Variants in TRMT9B observed in about 807,000 individuals in gnomAD.
TRMT9B encodes the protein probable tRNA methyltransferase 9B.
TRMT9B carries 16 observed loss-of-function variants against 11.5 expected under a neutral mutation model. The observed-to-expected ratio is 1.39, with a 90% CI of 0.94 to 2.11. The LOEUF is 2.11. TRMT9B is among the 30% of genes most tolerant of loss of function. The probability of loss-of-function intolerance (pLI) is 0.00; values close to 1 mark genes in which losing one functional copy is unlikely to be tolerated. For missense variants in TRMT9B, 941 were observed against 553.8 expected (o/e 1.70, Z -7.02); for synonymous variants, 274 against 192.4 (o/e 1.42, Z -3.51).
In TRMT9B at chr8:13,028,948, G is replaced by C. The variant is rs1460197336; in HGVS notation, c.*6904G>C. The C allele has an allele frequency of 6.0e-6, 1 of 166,928 alleles. No homozygotes were observed. Among genetic ancestry groups the C allele is most frequent in the Non-Finnish European group, 1.5e-5 (1 of 68,112 alleles). The allele number at this position is 166,928 out of a possible 1,614,324, so 10.3% of individuals were successfully genotyped here. A position where few individuals can be genotyped will look rare whatever the true frequency, so the allele number is the denominator to read the frequency against. Reference sequence around the variant, plus strand: ...CAATACATTAAGGCTCACTAATGTGGACCTAAGTGAGTATCTGAGAGGCTT... The same window carrying C: ...CAATACATTAAGGCTCACTAATGTGCACCTAAGTGAGTATCTGAGAGGCTT... On this transcript the variant is annotated 3_prime_UTR_variant, in exon 5 of 5. Transcript: ENST00000524591.
rs755465214 is a variant in TRMT9B at position 13,027,064 on chromosome 8, A to G, written c.*5020A>G. 6.0e-6 allele frequency: 1 copy of G among 167,178 alleles called. No homozygotes were observed. 10.4% of individuals were successfully genotyped at this position (167,178 alleles called of 1,614,324 possible). On this transcript the variant is annotated 3_prime_UTR_variant, in exon 5 of 5. Coordinates refer to ENST00000524591, the MANE Select transcript of TRMT9B (RefSeq NM_020844.3). ...CCAACTCTTCAACCTTTCAACAATT[A>G]TATTATTGTTTTCCCATTTTATAAG...
At chr8:12,997,345 C>A (rs142619301) in intron 2 of TRMT9B, among the ~76,000 whole-genome samples, 2 of 152,138 alleles carry the variant, frequency 1.3e-5, no homozygotes, top group Non-Finnish European at 2.9e-5. Flanking sequence ...TGCTCCCTCT[C>A]TGACCTTGTG....
At chr8:13,005,813 G>T (rs1183720000) in intron 2 of TRMT9B, among the ~76,000 whole-genome samples, 1 of 152,198 alleles carries the variant, frequency 6.6e-6, no homozygotes, top group Admixed American at 6.5e-5. Context: ...CTATTGGGTT[G>T]AAATGGTGAG....
At chr8:13,011,539 A>C (rs1306434939) in intron 3 of TRMT9B, 30 of 951,324 alleles carry the variant, frequency 3.2e-5, no homozygotes, top group Non-Finnish European at 3.8e-5. Flanking sequence ...ATTTCTGGAA[A>C]GTAATTAGAT....
chr8:13,027,404 C>T lies in TRMT9B; in HGVS notation c.*5360C>T, dbSNP rs1382108286. The T allele has an allele frequency of 1.8e-5, 3 of 167,080 alleles. No homozygotes were observed. Among genetic ancestry groups the T allele is most frequent in the Non-Finnish European group, 4.4e-5 (3 of 68,122 alleles). 10.3% of individuals were successfully genotyped at this position (167,080 alleles called of 1,614,324 possible). On this transcript the variant is annotated 3_prime_UTR_variant, in exon 5 of 5. Coordinates refer to ENST00000524591, the MANE Select transcript of TRMT9B (RefSeq NM_020844.3). ...GAGTACCCTAAAGCTTGGACTTAAT[C>T]TAGCTTACCCTAGACGTATTAACAT... is the stretch of plus-strand genomic sequence containing the variant.
At chr8:13,004,962 C>T (rs530720287) in intron 2 of TRMT9B, among the ~76,000 whole-genome samples, 15 of 151,998 alleles carry the variant, frequency 9.9e-5, no homozygotes, top group Middle Eastern at 3.4e-3. Context: ...TGACTGCAGT[C>T]CCTGGCTCCC....
intron 1 of TRMT9B, among the ~76,000 whole-genome samples, chr8:12,978,653 T>C (rs1804850700): frequency 6.6e-6 from 1 of 152,166 alleles, no homozygotes; most frequent in African/African-American, 2.4e-5. Flanking sequence ...GCCAATATAG[T>C]AGCCACTGCA....
At chr8:12,991,694 A>G (rs2128879198) in intron 2 of TRMT9B, among the ~76,000 whole-genome samples, 1 of 152,252 alleles carries the variant, frequency 6.6e-6, no homozygotes, top group East Asian at 1.9e-4. Context: ...GCACTTTGGG[A>G]GGCCGAGGCA....
intron 4 of TRMT9B, among the ~76,000 whole-genome samples, chr8:13,015,792 T>G (rs112156096): frequency 3.9e-5 from 6 of 152,112 alleles, no homozygotes; most frequent in Non-Finnish European, 2.9e-5. Flanking sequence ...TATTTTCAGT[T>G]TACATCTCAT....
intron 1 of TRMT9B, among the ~76,000 whole-genome samples, chr8:12,978,159 G>C (rs1329958962): frequency 6.6e-6 from 1 of 152,134 alleles, no homozygotes; most frequent in African/African-American, 2.4e-5. Context: ...AGGAATATAG[G>C]CCTCCTGAGC....
At chr8:13,004,860 G>C (rs1262819088) in intron 2 of TRMT9B, among the ~76,000 whole-genome samples, 2 of 152,042 alleles carry the variant, frequency 1.3e-5, no homozygotes, top group Non-Finnish European at 2.9e-5. Flanking sequence ...TCTTTGGAAA[G>C]GGGAGGGAAG....
intron 3 of TRMT9B, chr8:13,012,286 A>C: frequency 5.1e-6 from 5 of 988,248 alleles, no homozygotes; most frequent in Non-Finnish European, 6.0e-6. Context: ...TAAAAAAAAA[A>C]AAAAAGTTGG....
intron 1 of TRMT9B, among the ~76,000 whole-genome samples, chr8:12,959,478 TC>T (rs1801759861): frequency 1.9e-5 from 1 of 53,246 alleles, no homozygotes; most frequent in South Asian, 7.6e-4. Flanking sequence ...ATTTGTATTT[TC>T]CTCTCCTCTC....
chr8:12,972,234 C>T (rs945065961), intron 1 of TRMT9B, among the ~76,000 whole-genome samples: 2 of 152,172 alleles, frequency 1.3e-5, no homozygotes, highest in African/African-American at 2.4e-5. Flanking sequence ...AGAAAATGAG[C>T]TTCTCAGAAC....
chr8:13,027,974 G>C lies in TRMT9B; in HGVS notation c.*5930G>C, dbSNP rs1185319466. 4 of 166,850 alleles carry C rather than the reference G, an allele frequency of 2.4e-5. No homozygotes were observed. Among genetic ancestry groups the C allele is most frequent in the Non-Finnish European group, 5.9e-5 (4 of 68,092 alleles). The allele number at this position is 166,850 out of a possible 1,614,324, so 10.3% of individuals were successfully genotyped here. A position where few individuals can be genotyped will look rare whatever the true frequency, so the allele number is the denominator to read the frequency against. ...ACACTGAGGTGCAAACATTTAAAAA[G>C]ATCTCTCACCAAACAAGGATTGAAA... On this transcript the variant is annotated 3_prime_UTR_variant, in exon 5 of 5. Coordinates refer to ENST00000524591, the MANE Select transcript of TRMT9B (RefSeq NM_020844.3).
intron 1 of TRMT9B, among the ~76,000 whole-genome samples, chr8:12,960,782 T>C (rs1235345515): frequency 6.6e-6 from 1 of 152,104 alleles, no homozygotes; most frequent in Non-Finnish European, 1.5e-5. Flanking sequence ...TGTAAAAAGA[T>C]CAGTGGTTGC....
intron 1 of TRMT9B, among the ~76,000 whole-genome samples, chr8:12,983,504 T>A (rs1310969303): frequency 6.6e-6 from 1 of 152,150 alleles, no homozygotes; most frequent in Non-Finnish European, 1.5e-5. Flanking sequence ...ATCCCATCTC[T>A]ACTAAAATTA....
intron 1 of TRMT9B, among the ~76,000 whole-genome samples, chr8:12,981,387 G>A (rs560728040): frequency 1.7e-3 from 258 of 152,232 alleles, no homozygotes; most frequent in Non-Finnish European, 3.1e-3. Context: ...ATCAGATTGT[G>A]GGGGGCTTTA....
chr8:12,957,904 C>T (rs1801523026), intron 1 of TRMT9B, among the ~76,000 whole-genome samples: 1 of 152,122 alleles, frequency 6.6e-6, no homozygotes, highest in Non-Finnish European at 1.5e-5. Flanking sequence ...ACGTTTTTAT[C>T]TTCTCAAAGT....
Sources: allele counts gnomAD v4.1 joint callset (sites outside exome capture counted in the v4.1 genomes callset), GRCh38; gene constraint gnomAD v4.1.1; transcripts MANE v1.5; gene names NCBI Gene and HGNC (gene_info 2026-07-23, HGNC 2026-07-21).